Variants in SERPINA6 observed in about 807,000 individuals in gnomAD.
The protein encoded by SERPINA6 is corticosteroid-binding globulin.
Under a neutral mutation model 26.4 loss-of-function variants are expected in SERPINA6, and 19 were observed. That is an observed-to-expected ratio of 0.72 (90% CI 0.50 to 1.06). The LOEUF (loss-of-function observed/expected upper bound fraction) is 1.06, where lower values mean the gene tolerates loss of function less well. Among genes scored for constraint, SERPINA6 ranks in the 50% least tolerant of loss-of-function variants. SERPINA6 has a pLI of 0.00. For missense variants in SERPINA6, 473 were observed against 504.0 expected, an observed-to-expected ratio of 0.94 and a Z score of 0.59; for synonymous variants, 196 against 199.4, an observed-to-expected ratio of 0.98 and a Z score of 0.14.
At chr14:94,321,003 T>A (rs550170419) in intron 1 of SERPINA6, among the ~76,000 whole-genome samples, 1 of 152,254 alleles carries the variant, frequency 6.6e-6, no homozygotes, top group East Asian at 1.9e-4. Flanking sequence ...TCGTGGCAGA[T>A]CAAGCTGGAT....
intron 2 of SERPINA6, among the ~76,000 whole-genome samples, chr14:94,311,307 A>G (rs1438531221): frequency 6.6e-6 from 1 of 152,240 alleles, no homozygotes; most frequent in Non-Finnish European, 1.5e-5. Context: ...ACCAGAGGGC[A>G]GTTGTATTTT....
At chr14:94,306,429 C>T (rs1474073258) in intron 3 of SERPINA6, among the ~76,000 whole-genome samples, 7 of 152,346 alleles carry the variant, frequency 4.6e-5, no homozygotes, top group Middle Eastern at 3.4e-3. Flanking sequence ...AGCTTTCCCA[C>T]GGGGCCTCTG....
chr14:94,312,753 A>C (rs1488418617), intron 2 of SERPINA6, among the ~76,000 whole-genome samples: 4 of 151,986 alleles, frequency 2.6e-5, no homozygotes, highest in African/African-American at 9.7e-5. Flanking sequence ...ACTCGTAGAG[A>C]TGCTAAGGCA....
rs1490679716 is a variant in SERPINA6 at position 94,309,942 on chromosome 14, T to A, written c.678A>T (p.Thr226=). 6.2e-7 allele frequency: 1 copy of A among 1,614,000 alleles called. No individual in the cohort carries two copies. Among genetic ancestry groups the A allele is most frequent in the East Asian group, 2.2e-5 (1 of 44,888 alleles). ...ACATCATGGGCACCTTCACCACAGT[T>A]GTCTCGTCCACATAGAAGTTCTCCT... The part of the protein sequence containing the change: ...TREENFYVDE[T]TVVKVPMMLQ... The change falls in exon 3 of 5, where the codon ACA becomes ACT. Residue 226 remains threonine, a synonymous_variant. Transcript: ENST00000341584.
In SERPINA6 at chr14:94,314,318, G is replaced by T; in HGVS notation, c.331C>A (p.His111Asn). 1 of 1,614,202 alleles carries T rather than the reference G, an allele frequency of 6.2e-7. No individual in the cohort carries two copies. Among genetic ancestry groups the T allele is most frequent in the Non-Finnish European group, 8.5e-7 (1 of 1,180,032 alleles). Residue 111 changes from histidine to asparagine, a missense_variant, in exon 2 of 5, where the codon CAC becomes AAC. By Grantham distance (68) the His-to-Asn change is moderately conservative. Transcript: ENST00000341584. Reference sequence around the variant, plus strand: ...GACTTTGCAAAGAGTTGGTGCAGGTGCTGGAAACCCTGGTGGATCTCAGTC... The same window carrying T: ...GACTTTGCAAAGAGTTGGTGCAGGTTCTGGAAACCCTGGTGGATCTCAGTC... ...SETEIHQGFQ[H>N]LHQLFAKSDT...
chr14:94,308,868 CTCCATTCACTCACTCACCCA>C (rs1326741538), intron 3 of SERPINA6, among the ~76,000 whole-genome samples: 12 of 152,226 alleles, frequency 7.9e-5, no homozygotes, highest in African/African-American at 2.9e-4. Flanking sequence ...TTTACTCATT[CTCCATTCACTCACTCACCCA>C]TCCATTCACT....
chr14:94,320,571 C>T (rs1038330983), intron 1 of SERPINA6, among the ~76,000 whole-genome samples: 1 of 152,194 alleles, frequency 6.6e-6, no homozygotes, highest in East Asian at 1.9e-4. Context: ...TGAATTGTTT[C>T]TTTGCTCAAA....
At chr14:94,311,739 A>G (rs1475312719) in intron 2 of SERPINA6, among the ~76,000 whole-genome samples, 1 of 152,108 alleles carries the variant, frequency 6.6e-6, no homozygotes, top group Non-Finnish European at 1.5e-5. Flanking sequence ...GGAGATCGAG[A>G]CCGTCCTGGC....
Position 94,304,373 on chromosome 14 carries a change from G to C in SERPINA6, c.*45C>G. On this transcript the variant is annotated 3_prime_UTR_variant, in exon 5 of 5. Transcript: ENST00000341584. The stretch of plus-strand genomic sequence containing the variant: ...TCCAAAACATTTCTGTGGGATCCCT[G>C]GTTCCCAAAGTCAGACAGTGCTGAG... The C allele has an allele frequency of 1.9e-6, 3 of 1,588,020 alleles. No individual in the cohort carries two copies. The highest frequency in any genetic ancestry group is 2.6e-6 in the Non-Finnish European group (3 of 1,156,288).
Position 94,314,685 on chromosome 14 carries a change from C to G in SERPINA6, c.-19-18G>C, listed in dbSNP as rs1895588622. The G allele has an allele frequency of 1.2e-6, 2 of 1,606,146 alleles. No individual in the cohort carries two copies. The highest frequency in any genetic ancestry group is 1.7e-6 in the Non-Finnish European group (2 of 1,179,542). Reference sequence around the variant, plus strand: ...GCCAGGCCCTGCCAAATCAGAAAAGCTTGTTAGATGCTGTGGCAGTCTCTG... The same window carrying G: ...GCCAGGCCCTGCCAAATCAGAAAAGGTTGTTAGATGCTGTGGCAGTCTCTG... On this transcript the variant is annotated intron_variant, in intron 1 of 4. Coordinates refer to ENST00000341584, the MANE Select transcript of SERPINA6 (RefSeq NM_001756.4).
At chr14:94,319,113 T>A (rs554953157) in intron 1 of SERPINA6, among the ~76,000 whole-genome samples, 1 of 152,250 alleles carries the variant, frequency 6.6e-6, no homozygotes, top group South Asian at 2.1e-4. Context: ...AGATACCACT[T>A]TGTATCCACA....
At chr14:94,318,533 AT>A in intron 1 of SERPINA6, among the ~76,000 whole-genome samples, 1 of 152,324 alleles carries the variant, frequency 6.6e-6, no homozygotes, top group East Asian at 1.9e-4. Flanking sequence ...TAGTAAAATG[AT>A]TTTGACAAGG....
intron 1 of SERPINA6, among the ~76,000 whole-genome samples, chr14:94,322,051 A>C (rs916040178): frequency 6.6e-6 from 1 of 152,240 alleles, no homozygotes; most frequent in Non-Finnish European, 1.5e-5. Flanking sequence ...TTAATGGGTC[A>C]TCCTGGGGCC....
At chr14:94,319,115 G>A (rs1413496158) in intron 1 of SERPINA6, among the ~76,000 whole-genome samples, 1 of 152,052 alleles carries the variant, frequency 6.6e-6, no homozygotes, top group African/African-American at 2.4e-5. Context: ...ATACCACTTT[G>A]TATCCACAGG....
chr14:94,304,471 C>T lies in SERPINA6; in HGVS notation c.1165G>A (p.Asp389Asn), dbSNP rs28929488. 578 of 1,614,010 alleles carry T rather than the reference C, an allele frequency of 3.6e-4. No individual in the cohort carries two copies. The highest frequency in any genetic ancestry group is 2.6e-3 in the Middle Eastern group (16 of 6,062). Residue 389 changes from aspartate (D) to asparagine (N), a missense_variant, in exon 5 of 5, where the codon GAC (aspartate) becomes AAC (asparagine). Physicochemically the swap from Asp to Asn is conservative, Grantham distance 23. Transcript: ENST00000341584. ...AAAAGGCTGCTCCAGGTGAAGTGGT[C>T]GAAGATCATGATGATGAAGGGCTGG... ...FNQPFIIMIF[D>N]HFTWSSLFLA...
intron 4 of SERPINA6, 108 bp downstream of exon 4, chr14:94,305,963 A>G (rs1895432298): frequency 7.7e-7 from 1 of 1,305,020 alleles, no homozygotes; most frequent in South Asian, 1.2e-5. Context: ...GTTCTCAGCC[A>G]GGGACCTAGA....
intron 3 of SERPINA6, among the ~76,000 whole-genome samples, chr14:94,307,962 T>A (rs1895466286): frequency 6.6e-6 from 1 of 152,188 alleles, no homozygotes; most frequent in Admixed American, 6.5e-5. Context: ...AAAACCTACA[T>A]GTTAATAAAG....
At chr14:94,309,175 C>A (rs1223339366) in intron 3 of SERPINA6, among the ~76,000 whole-genome samples, 1 of 152,238 alleles carries the variant, frequency 6.6e-6, no homozygotes, top group African/African-American at 2.4e-5. Flanking sequence ...CCCTTGCTTT[C>A]TTTCTACTTA....
intron 1 of SERPINA6, among the ~76,000 whole-genome samples, chr14:94,316,598 G>A (rs539467191): frequency 7.6e-4 from 116 of 152,302 alleles, no homozygotes; most frequent in African/African-American, 2.7e-3. Flanking sequence ...AAATTCATAT[G>A]TGGAAACCTA....
Sources: allele counts gnomAD v4.1 joint callset (sites outside exome capture counted in the v4.1 genomes callset), GRCh38; gene constraint gnomAD v4.1.1; transcripts MANE v1.5; gene names NCBI Gene and HGNC (gene_info 2026-07-23, HGNC 2026-07-21).